Variants in LAMB2 observed in about 807,000 individuals in gnomAD.
LAMB2 encodes the protein laminin subunit beta 2.
A neutral mutation model predicts 202.7 loss-of-function variants in LAMB2; 119 were observed. The observed-to-expected ratio is 0.59, with a 90% confidence interval of 0.51 to 0.68. The LOEUF is 0.68. Among genes scored for constraint, LAMB2 ranks in the 30% least tolerant of loss-of-function variants. The pLI, the probability that LAMB2 is intolerant of heterozygous loss-of-function variation, is 0.00. For missense variants in LAMB2, 2,124 were observed against 2,410.6 expected (o/e 0.88, Z 2.49); for synonymous variants, 818 against 902.2 (o/e 0.91, Z 1.67).
In LAMB2 at chr3:49,130,209, C is replaced by T. The variant is rs377595707; in HGVS notation, c.1225+22G>A. 1.4e-5 allele frequency: 23 copies of T among 1,613,220 alleles called. No homozygotes were observed. Among genetic ancestry groups the T allele is most frequent in the Non-Finnish European group, 1.9e-5 (22 of 1,179,698 alleles). The stretch of plus-strand genomic sequence containing the variant: ...CTGCCCCAGGCTCAGCTTTCTCTCC[C>T]CGTGCCCAATCCCAGCCTCACAGCG... On this transcript the variant is annotated intron_variant, in intron 9 of 31. Transcript: ENST00000305544. This position sits in a 1 kb window ranked among gnomAD's most constrained non-coding sequence, Gnocchi z 5.0.
Position 49,124,585 on chromosome 3 carries a change from T to G in LAMB2, c.3137A>C (p.Asn1046Thr). 6.2e-7 allele frequency: 1 copy of G among 1,613,722 alleles called. No homozygotes were observed. ...HRCTCNLLGT[N>T]PQQCPSPDQC... The stretch of plus-strand genomic sequence containing the variant: ...GTCAGGAGATGGGCACTGCTGCGGA[T>G]TTGTGCCCAGCAGGTTGCATGTGCA... The change falls in exon 22 of 32, where the codon AAT becomes ACT. Residue 1046 changes from asparagine to threonine, a missense_variant. Transcript: ENST00000305544.
rs569870849 is a variant in LAMB2, at chr3:49,124,175, C to T, written c.3424+15G>A. Reference sequence around the variant, plus strand: ...GGAAGTCCTCCATCTACCCTGGCCCCGCTGGCTCCCTCACCATGGCACTGC... The same window carrying T: ...GGAAGTCCTCCATCTACCCTGGCCCTGCTGGCTCCCTCACCATGGCACTGC... On this transcript the variant is annotated intron_variant, in intron 23 of 31. Coordinates refer to ENST00000305544, the MANE Select transcript of LAMB2 (RefSeq NM_002292.4). 5.7e-5 allele frequency: 92 copies of T among 1,614,176 alleles called. 1 individual carries two copies. The highest frequency in any genetic ancestry group is 3.0e-4 in the South Asian group (27 of 91,088).
Position 49,132,715 on chromosome 3 carries a change from C to A in LAMB2, c.77-52G>T, listed in dbSNP as rs753280510. 1.8e-4 allele frequency: 287 copies of A among 1,613,696 alleles called. No individual in the cohort carries two copies. The highest frequency in any genetic ancestry group is 2.4e-4 in the Non-Finnish European group (278 of 1,179,728). The stretch of plus-strand genomic sequence containing the variant: ...GCTGAGTTCCTATCCAGTGGCTCCA[C>A]CTCATGTGCCCCAAGGGCAACTACC... On this transcript the variant is annotated intron_variant, in intron 1 of 31. Coordinates refer to ENST00000305544, the MANE Select transcript of LAMB2 (RefSeq NM_002292.4). The surrounding 1 kb of genome is among the most constrained non-coding windows in gnomAD (Gnocchi z 4.6).
chr3:49,132,503 G>A lies in LAMB2; in HGVS notation c.237C>T (p.Val79=), dbSNP rs973849989. The A allele has an allele frequency of 1.1e-5, 17 of 1,613,956 alleles. No individual in the cohort carries two copies. The highest frequency in any genetic ancestry group is 1.4e-5 in the Non-Finnish European group (17 of 1,180,010). Residue 79 remains valine (V), a synonymous_variant, in exon 2 of 32, where the codon GTC becomes GTT. Coordinates refer to ENST00000305544, the MANE Select transcript of LAMB2 (RefSeq NM_002292.4). The surrounding 1 kb of genome is among the most constrained non-coding windows in gnomAD (Gnocchi z 4.6). ...TCCCCAGCCACACCTGCAGGTGACT[G>A]ACGATGCAGTAGGGCTGGGGGCCAT... ...GLNGPQPYCI[V]SHLQDEKKCF... is the part of the protein sequence containing the mutation.
Position 49,132,086 on chromosome 3 carries a change from A to AT in LAMB2, c.459+29dup. On this transcript the variant is annotated intron_variant, in intron 4 of 31. Coordinates refer to ENST00000305544, the MANE Select transcript of LAMB2 (RefSeq NM_002292.4). The surrounding 1 kb of genome is among the most constrained non-coding windows in gnomAD (Gnocchi z 4.6). ...GGGCAATGGAGAGCCAAGCAGGGTG[A>AT]TTCGGGCAGGCTCCCAGATATGCAG... The AT allele has an allele frequency of 6.2e-7, 1 of 1,607,210 alleles. No individual in the cohort carries two copies.
In LAMB2 at chr3:49,130,500, T is replaced by G; in HGVS notation, c.1037-81A>C. 6.5e-7 allele frequency: 1 copy of G among 1,537,084 alleles called. No homozygotes were observed. Among genetic ancestry groups the G allele is most frequent in the Non-Finnish European group, 9.0e-7 (1 of 1,112,894 alleles). ...TAAGAAGTAGGCCACCTTAGATCCC[T>G]ATCACAGGCCAGAATTTGTGGGTAG... is the stretch of plus-strand genomic sequence containing the variant. On this transcript the variant is annotated intron_variant, in intron 8 of 31. Transcript: ENST00000305544. This position sits in a 1 kb window ranked among gnomAD's most constrained non-coding sequence, Gnocchi z 5.0.
Position 49,125,166 on chromosome 3 carries a change from G to A in LAMB2, c.2724C>T (p.Cys908=), listed in dbSNP as rs142012138. Residue 908 remains cysteine (C), a synonymous_variant, in exon 20 of 32, where the codon TGC becomes TGT. Transcript: ENST00000305544. ...GTGGGTCCCCGTGGAAACCAGCAAT[G>A]CACCTGCAGGGAGGAGGAAGAAGAA... ...DHTGGEHCER[C]IAGFHGDPRL... 128 of 1,613,438 alleles carry A rather than the reference G, an allele frequency of 7.9e-5. 1 individual carries two copies. The highest frequency in any genetic ancestry group is 9.9e-5 in the Non-Finnish European group (117 of 1,179,938).
In LAMB2 at chr3:49,122,061, C is replaced by A. The variant is rs1326394233; in HGVS notation, c.4806G>T (p.Gln1602His). ...GTGCTGCCTGTACTGTCTCTGCCTT[C>A]TGTTTCTCATCCTCAGCCCAGCTCC... is the stretch of plus-strand genomic sequence containing the variant. The part of the protein sequence containing the change: ...RARSWAEDEK[Q>H]KAETVQAALE... Residue 1602 changes from glutamine to histidine, a missense_variant, in exon 29 of 32, where the codon CAG (glutamine) becomes CAT (histidine). Physicochemically the swap from Gln to His is conservative, Grantham distance 24. Transcript: ENST00000305544. 1 of 1,613,594 alleles carries A rather than the reference C, an allele frequency of 6.2e-7. No homozygotes were observed. Among genetic ancestry groups the A allele is most frequent in the Non-Finnish European group, 8.5e-7 (1 of 1,180,030 alleles).
rs2045261626 is a variant in LAMB2, at chr3:49,121,715, C to T, written c.5069G>A (p.Ser1690Asn). 1 of 1,614,052 alleles carries T rather than the reference C, an allele frequency of 6.2e-7. No individual in the cohort carries two copies. The highest frequency in any genetic ancestry group is 8.5e-7 in the Non-Finnish European group (1 of 1,180,048). The change falls in exon 30 of 32, where the codon AGT becomes AAT. Residue 1690 changes from serine to asparagine, a missense_variant. Coordinates refer to ENST00000305544, the MANE Select transcript of LAMB2 (RefSeq NM_002292.4). The stretch of plus-strand genomic sequence containing the variant: ...AGCCTCCTGGGCACGACCCTGGGCA[C>T]TGCCTGCCGTTTCTTCTGCTGTAGA... ...AASTAEETAG[S>N]AQGRAQEAEQ...
At position 49,129,486 on chromosome 3, in the gene LAMB2, T is replaced by A. The variant is rs891838222; in HGVS notation, c.1518+118A>T. On this transcript the variant is annotated intron_variant, in intron 11 of 31. Transcript: ENST00000305544. This position sits in a 1 kb window ranked among gnomAD's most constrained non-coding sequence, Gnocchi z 6.1. ...CTTGGCCTCCCAGACCTGAGGCTTC[T>A]CAGCCAGGACTGGATCCTAAGCTCT... 13 of 1,096,072 alleles carry A rather than the reference T, an allele frequency of 1.2e-5. No individual in the cohort carries two copies. The highest frequency in any genetic ancestry group is 1.6e-5 in the Non-Finnish European group (12 of 729,874). 67.9% of individuals were successfully genotyped at this position (1,096,072 alleles called of 1,614,324 possible).
At position 49,132,343 on chromosome 3, in the gene LAMB2, G is replaced by A. The variant is rs530605466; in HGVS notation, c.312C>T (p.His104=). The A allele has an allele frequency of 3.7e-6, 6 of 1,614,256 alleles. No homozygotes were observed. In the Admixed American group the frequency reaches 5.0e-5, roughly 13 times the overall value. ...TGACTACATTCTGGATGCGATGGCT[G>A]TGTGGGTTGTCTCTAGCAGAGAAGG... ...RRPFSARDNP[H]SHRIQNVVTS... Residue 104 remains histidine, a synonymous_variant, in exon 3 of 32, where the codon CAC becomes CAT. Transcript: ENST00000305544. This position sits in a 1 kb window ranked among gnomAD's most constrained non-coding sequence, Gnocchi z 4.6.
At position 49,125,880 on chromosome 3, in the gene LAMB2, G is replaced by C; in HGVS notation, c.2355C>G (p.Cys785Trp). Residue 785 changes from cysteine (C) to tryptophan (W), a missense_variant, in exon 18 of 32, where the codon TGC becomes TGG. By Grantham distance (215) the Cys-to-Trp change is radical. Transcript: ENST00000305544. ...LIYNGALPCQ[C>W]NPQGSLSSEC... ...CAGAACTCAGTGAACCTTGAGGGTT[G>C]CACTGACATGCTGTGGGGAGGAGGG... 6.2e-7 allele frequency: 1 copy of C among 1,614,168 alleles called. No individual in the cohort carries two copies. Among genetic ancestry groups the C allele is most frequent in the South Asian group, 1.1e-5 (1 of 91,088 alleles).
In LAMB2 at chr3:49,131,322, C is replaced by T; in HGVS notation, c.712+57G>A. ...AGCACCCAAAATAGTTACTGAGGCC[C>T]CAAATAGTCCCTAGCCGGACACGGA... On this transcript the variant is annotated intron_variant, in intron 6 of 31. Coordinates refer to ENST00000305544, the MANE Select transcript of LAMB2 (RefSeq NM_002292.4). The surrounding 1 kb of genome is among the most constrained non-coding windows in gnomAD (Gnocchi z 5.0). 6.3e-7 allele frequency: 1 copy of T among 1,587,618 alleles called. No individual in the cohort carries two copies. Among genetic ancestry groups the T allele is most frequent in the Non-Finnish European group, 8.6e-7 (1 of 1,157,826 alleles).
intron 27 of LAMB2, 88 bp downstream of exon 27, chr3:49,122,616 G>A (rs1168351534): frequency 8.6e-7 from 1 of 1,164,730 alleles, no homozygotes. Flanking sequence ...TGTAGTCCCT[G>A]AGGCTCAAGT....
At position 49,121,966 on chromosome 3, in the gene LAMB2, T is replaced by C. The variant is rs769762259; in HGVS notation, c.4901A>G (p.Asp1634Gly). ...CACCTGGTACAGGGTCTGCTCTGTG[T>C]CCCGTGTGTCAGCCACTGCCCCCCG... ...AIRGAVADTR[D>G]TEQTLYQVQE... The change falls in exon 29 of 32, where the codon GAC becomes GGC. Residue 1634 changes from aspartate (D) to glycine (G), a missense_variant. By Grantham distance (94) the Asp-to-Gly change is moderately conservative. Transcript: ENST00000305544. The C allele has an allele frequency of 1.2e-6, 2 of 1,613,970 alleles. No homozygotes were observed. Among genetic ancestry groups the C allele is most frequent in the South Asian group, 2.2e-5 (2 of 91,086 alleles).
Position 49,125,460 on chromosome 3 carries a change from G to GC in LAMB2, c.2512dup (p.Ala838GlyfsTer7). 6.2e-7 allele frequency: 1 copy of GC among 1,607,430 alleles called. No individual in the cohort carries two copies. The highest frequency in any genetic ancestry group is 8.5e-7 in the Non-Finnish European group (1 of 1,177,098). On this transcript the variant is annotated frameshift_variant, in exon 19 of 32. Coordinates refer to ENST00000305544, the MANE Select transcript of LAMB2 (RefSeq NM_002292.4). LOFTEE classifies it high-confidence loss of function. Reference sequence around the variant, plus strand: ...GGTCTTTTCACAGAGACTGCTGAGTGCCCCCTCGTGGCTGCACTGGCAGGC... The same window carrying GC: ...GGTCTTTTCACAGAGACTGCTGAGTGCCCCCCTCGTGGCTGCACTGGCAGGC...
Position 49,124,484 on chromosome 3 carries a change from C to T in LAMB2, c.3238G>A (p.Ala1080Thr). ...NVQGPSCDRC[A>T]PNFWNLTSGH... ...CTGGTGAGGTTCCAGAAGTTGGGGG[C>T]ACAGCGGTCACAGCTAGGGCCCTGG... Residue 1080 changes from alanine (A) to threonine (T), a missense_variant, in exon 22 of 32, where the codon GCC becomes ACC. By Grantham distance (58) the Ala-to-Thr change is moderately conservative. Transcript: ENST00000305544. 6.2e-7 allele frequency: 1 copy of T among 1,613,728 alleles called. No homozygotes were observed. The highest frequency in any genetic ancestry group is 8.5e-7 in the Non-Finnish European group (1 of 1,180,018).
At position 49,124,435 on chromosome 3, in the gene LAMB2, G is replaced by T. The variant is rs746590503; in HGVS notation, c.3287C>A (p.Ala1096Asp). The change falls in exon 22 of 32, where the codon GCC becomes GAC. Residue 1096 changes from alanine (A) to aspartate (D), a missense_variant. By Grantham distance (126) the Ala-to-Asp change is moderately radical (BLOSUM62 -2). This residue lies in a region of LAMB2 where 1,702 missense variants were observed against 1,896.3 expected (regional missense o/e 0.90). Transcript: ENST00000305544. Reference sequence around the variant, plus strand: ...GCCTCTGGCCCGGCTTGGGTGGCAGGCACAAGGCTGGCAACCATGGCCACT... The same window carrying T: ...GCCTCTGGCCCGGCTTGGGTGGCAGTCACAAGGCTGGCAACCATGGCCACT... ...LTSGHGCQPCACHPSRARGPT... is the reference protein window; with the variant it reads ...LTSGHGCQPCDCHPSRARGPT... 3.7e-6 allele frequency: 6 copies of T among 1,613,586 alleles called. No homozygotes were observed. The highest frequency in any genetic ancestry group is 5.1e-6 in the Non-Finnish European group (6 of 1,180,010).
chr3:49,126,025 A>G lies in LAMB2; in HGVS notation c.2286T>C (p.Ser762=). 1 of 1,614,180 alleles carries G rather than the reference A, an allele frequency of 6.2e-7. No individual in the cohort carries two copies. Among genetic ancestry groups the G allele is most frequent in the Non-Finnish European group, 8.5e-7 (1 of 1,180,020 alleles). ...TGATGAGGAGGGGTGCGCAGGCCTC[A>G]GAGGGAGAAGTCTTGCTGGGCACCA... ...EGLVPSKTSP[S]EACAPLLISL... is the part of the protein sequence containing the mutation. The change falls in exon 17 of 32, where the codon TCT becomes TCC. Residue 762 remains serine (S), a synonymous_variant. Transcript: ENST00000305544.
Sources: allele counts gnomAD v4.1 joint callset, GRCh38; gene constraint gnomAD v4.1.1; regional missense constraint gnomAD v4.1.1; non-coding constraint Gnocchi (gnomAD v3.1); transcripts MANE v1.5; gene names NCBI Gene and HGNC (gene_info 2026-07-23, HGNC 2026-07-21).